GALNT17: variants seen among roughly 807,000 people sequenced by gnomAD.
GALNT17 encodes polypeptide N-acetylgalactosaminyltransferase 17.
Under a neutral mutation model 63.7 loss-of-function variants are expected in GALNT17, and 29 were observed. That is an observed-to-expected ratio of 0.46 (90% CI 0.34 to 0.62). The LOEUF is 0.62. Ranked by LOEUF, GALNT17 falls within the 20% of genes least tolerant of loss-of-function variation. The pLI is 0.01. For synonymous variants in GALNT17, 305 were observed against 318.3 expected (o/e 0.96, Z 0.45); for missense variants, 603 against 799.6 (o/e 0.75, Z 2.97).
intron 2 of GALNT17, among the ~76,000 whole-genome samples, chr7:71,378,381 C>T (rs1050964364): frequency 6.6e-6 from 1 of 152,066 alleles, no homozygotes; most frequent in Non-Finnish European, 1.5e-5. Context: ...CACTCTTTCC[C>T]GAGATTATAG....
intron 1 of GALNT17, among the ~76,000 whole-genome samples, chr7:71,325,264 T>A (rs1791684719): frequency 2.0e-5 from 3 of 152,182 alleles, no homozygotes; most frequent in Admixed American, 2.0e-4. Context: ...AGGTAGGATC[T>A]CCCTGAGACG....
At chr7:71,247,468 T>G (rs913458483) in intron 1 of GALNT17, among the ~76,000 whole-genome samples, 1 of 152,120 alleles carries the variant, frequency 6.6e-6, no homozygotes, top group Admixed American at 6.6e-5. Context: ...TTTTTTTTTC[T>G]TTTTTGAGAT....
intron 1 of GALNT17, among the ~76,000 whole-genome samples, chr7:71,236,800 C>G (rs988390681): frequency 3.3e-5 from 5 of 152,206 alleles, no homozygotes; most frequent in Non-Finnish European, 7.3e-5. Context: ...TGCACCTGCT[C>G]TAATAGCTGA....
At chr7:71,276,784 G>A (rs1406242539) in intron 1 of GALNT17, among the ~76,000 whole-genome samples, 4 of 152,066 alleles carry the variant, frequency 2.6e-5, no homozygotes, top group African/African-American at 9.7e-5. Flanking sequence ...GATCATTTGA[G>A]GTCAGGAGTT....
chr7:71,180,258 T>A (rs565244685), intron 1 of GALNT17, among the ~76,000 whole-genome samples: 2 of 152,192 alleles, frequency 1.3e-5, no homozygotes, highest in Admixed American at 6.5e-5. Flanking sequence ...CCGTAGTAGC[T>A]GGGACTACTG....
intron 2 of GALNT17, among the ~76,000 whole-genome samples, chr7:71,344,804 G>A (rs139588778): frequency 2.6e-4 from 39 of 152,292 alleles, no homozygotes; most frequent in African/African-American, 9.4e-4. Flanking sequence ...CAGGGATAAG[G>A]TGGAAGAGCT....
At chr7:71,637,950 AG>A (rs1272290082) in intron 6 of GALNT17, among the ~76,000 whole-genome samples, 4 of 152,234 alleles carry the variant, frequency 2.6e-5, no homozygotes. Flanking sequence ...CCATAGGCAG[AG>A]CAGTCCCAAA....
intron 5 of GALNT17, among the ~76,000 whole-genome samples, chr7:71,502,343 G>A (rs891599742): frequency 1.3e-5 from 2 of 152,166 alleles, no homozygotes; most frequent in Non-Finnish European, 2.9e-5. Context: ...CACATTCATC[G>A]GAATTGGGAG....
At chr7:71,465,216 G>A (rs1045302119) in intron 5 of GALNT17, among the ~76,000 whole-genome samples, 17 of 152,100 alleles carry the variant, frequency 1.1e-4, no homozygotes, top group African/African-American at 4.1e-4. Flanking sequence ...CTTACTTGTG[G>A]GTATACCCTC....
chr7:71,288,712 G>C (rs144009676), intron 1 of GALNT17, among the ~76,000 whole-genome samples: 3 of 152,036 alleles, frequency 2.0e-5, no homozygotes, highest in Non-Finnish European at 4.4e-5. Flanking sequence ...GCTTTGATGC[G>C]TGTGTTCATC....
At chr7:71,492,288 A>C (rs988428692) in intron 5 of GALNT17, among the ~76,000 whole-genome samples, 6 of 152,110 alleles carry the variant, frequency 3.9e-5, no homozygotes, top group African/African-American at 1.4e-4. Context: ...AAAATAAATA[A>C]ATAAATTAAT....
intron 4 of GALNT17, among the ~76,000 whole-genome samples, 177 bp from the exon 5 acceptor site, chr7:71,420,731 G>C (rs1056527518): frequency 6.6e-6 from 1 of 152,138 alleles, no homozygotes; most frequent in African/African-American, 2.4e-5. Context: ...CACAGCCCAG[G>C]AGTGAAGCTG....
At chr7:71,689,906 A>G (rs1791415527) in intron 9 of GALNT17, among the ~76,000 whole-genome samples, 1 of 152,214 alleles carries the variant, frequency 6.6e-6, no homozygotes, top group South Asian at 2.1e-4. Context: ...TACCATTTTG[A>G]AGATCCTAGG....
intron 3 of GALNT17, 31 bp from the exon 4 acceptor site, chr7:71,415,858 A>G (rs752359577): frequency 1.7e-5 from 26 of 1,556,700 alleles, no homozygotes; most frequent in East Asian, 1.4e-4. Flanking sequence ...TGACATGTTT[A>G]TAGACCTTCT....
At chr7:71,441,698 C>T (rs1443661030) in intron 5 of GALNT17, among the ~76,000 whole-genome samples, 1 of 152,126 alleles carries the variant, frequency 6.6e-6, no homozygotes, top group Non-Finnish European at 1.5e-5. Context: ...CATGTGTTCT[C>T]ATTGGTCAAC....
At chr7:71,444,019 G>A (rs539320414) in intron 5 of GALNT17, among the ~76,000 whole-genome samples, 47 of 152,232 alleles carry the variant, frequency 3.1e-4, no homozygotes, top group African/African-American at 1.1e-3. Flanking sequence ...GAGGCACCCC[G>A]CTCGGCCTGA....
intron 5 of GALNT17, among the ~76,000 whole-genome samples, chr7:71,519,921 C>G (rs1381255216): frequency 1.3e-5 from 2 of 152,062 alleles, no homozygotes; most frequent in Non-Finnish European, 2.9e-5. Flanking sequence ...ATGAAAACGT[C>G]TCCAATAAAA....
At chr7:71,456,550 T>C (rs1444352950) in intron 5 of GALNT17, among the ~76,000 whole-genome samples, 2 of 151,888 alleles carry the variant, frequency 1.3e-5, no homozygotes, top group East Asian at 3.9e-4. Context: ...ACCCTGTCTC[T>C]ACTAAAAATA....
chr7:71,288,681 G>T (rs1790922811), intron 1 of GALNT17, among the ~76,000 whole-genome samples: 1 of 152,134 alleles, frequency 6.6e-6, no homozygotes, highest in Admixed American at 6.5e-5. Context: ...CCTGGGCTGT[G>T]ATTTTGCTTC....
Sources: gnomAD v4.1 joint callset for allele counts (sites outside exome capture counted in the v4.1 genomes callset) on GRCh38, gnomAD v4.1.1 for gene constraint, MANE v1.5 for transcripts, NCBI Gene and HGNC (gene_info 2026-07-23, HGNC 2026-07-21) for gene names.